The following VIT variants were observed in gnomAD, a reference collection of about 807,000 sequenced individuals.
VIT encodes the protein vitrin.
Under a neutral mutation model 78.0 loss-of-function variants are expected in VIT, and 99 were observed. That is an observed-to-expected ratio of 1.27 (90% CI 1.08 to 1.50). The LOEUF (loss-of-function observed/expected upper bound fraction) is 1.50. Among genes scored for constraint, VIT ranks in the 40% most tolerant of loss-of-function variants. VIT has a pLI of 0.00. For synonymous variants in VIT, 374 were observed against 334.3 expected, an observed-to-expected ratio of 1.12 and a Z score of -1.29; for missense variants, 1,126 against 875.3, an observed-to-expected ratio of 1.29 and a Z score of -3.61.
intron 15 of VIT, among the ~76,000 whole-genome samples, chr2:36,811,154 C>G (rs1432281574): frequency 2.0e-5 from 3 of 152,138 alleles, no homozygotes; most frequent in Non-Finnish European, 4.4e-5. Flanking sequence ...GGCCTGCATG[C>G]CAACAATCAC....
At chr2:36,742,041 T>C (rs929091617) in intron 3 of VIT, among the ~76,000 whole-genome samples, 3 of 152,146 alleles carry the variant, frequency 2.0e-5, no homozygotes, top group Non-Finnish European at 4.4e-5. Context: ...TTCCAGACCA[T>C]TCCCAAGCCT....
chr2:36,773,713 G>A, intron 7 of VIT, 78 bp from the exon 8 acceptor site: 3 of 1,305,596 alleles, frequency 2.3e-6, no homozygotes, highest in Non-Finnish European at 3.0e-6. Context: ...CATACAGTGA[G>A]ACTCCGACTC....
At chr2:36,742,389 G>A in intron 3 of VIT, among the ~76,000 whole-genome samples, 1 of 152,198 alleles carries the variant, frequency 6.6e-6, no homozygotes, top group East Asian at 1.9e-4. Flanking sequence ...TGCTCAGCCA[G>A]AGAGTTCCCA....
intron 1 of VIT, among the ~76,000 whole-genome samples, chr2:36,703,970 G>C (rs1665246950): frequency 6.7e-6 from 1 of 148,306 alleles, no homozygotes; most frequent in Admixed American, 6.8e-5. Context: ...CTGTCGCCAG[G>C]CTGGAGTGCA....
At chr2:36,735,638 A>C (rs1018768980) in intron 3 of VIT, among the ~76,000 whole-genome samples, 1 of 152,240 alleles carries the variant, frequency 6.6e-6, no homozygotes, top group African/African-American at 2.4e-5. Flanking sequence ...CTCCACCCCA[A>C]GGTGCATCAC....
intron 1 of VIT, among the ~76,000 whole-genome samples, chr2:36,700,403 G>A (rs1664977308): frequency 6.6e-6 from 1 of 151,970 alleles, no homozygotes; most frequent in Non-Finnish European, 1.5e-5. Context: ...GGTGGCGGTG[G>A]TGGTGGCGAT....
chr2:36,729,398 T>A (rs1470311835), intron 2 of VIT, 28 bp from the exon 3 acceptor site: 1 of 1,570,318 alleles, frequency 6.4e-7, no homozygotes, highest in African/African-American at 1.4e-5. Flanking sequence ...TAAAATTGAT[T>A]AAATTTTTAA....
intron 4 of VIT, among the ~76,000 whole-genome samples, chr2:36,747,348 T>G (rs1328596414): frequency 6.6e-6 from 1 of 152,196 alleles, no homozygotes; most frequent in African/African-American, 2.4e-5. Context: ...GTCCAGAATT[T>G]CTTTGTCAGT....
chr2:36,805,089 G>T (rs1427410800), intron 13 of VIT, among the ~76,000 whole-genome samples: 1 of 152,004 alleles, frequency 6.6e-6, no homozygotes, highest in Non-Finnish European at 1.5e-5. Context: ...GATCACTTGA[G>T]CCCATGAGTT....
chr2:36,756,045 C>T (rs1318844794), intron 5 of VIT, among the ~76,000 whole-genome samples: 39 of 145,882 alleles, frequency 2.7e-4, no homozygotes, highest in Non-Finnish European at 1.2e-4. Context: ...GCAACCTCTG[C>T]CTCCTGGGTT....
intron 1 of VIT, among the ~76,000 whole-genome samples, chr2:36,702,812 C>A (rs534876403): frequency 1.3e-4 from 20 of 152,166 alleles, no homozygotes; most frequent in Non-Finnish European, 2.9e-5. Context: ...GATACCCTCC[C>A]CTACTGCGTT....
chr2:36,801,341 A>C lies in VIT; in HGVS notation c.1099A>C (p.Asn367His). Residue 367 changes from asparagine to histidine, a missense_variant, in exon 13 of 16, where the codon AAT becomes CAT. Coordinates refer to ENST00000379242, the MANE Select transcript of VIT (RefSeq NM_053276.4). The stretch of plus-strand genomic sequence containing the variant: ...TCACTTTAACCTCAAGACACACACG[A>C]ATTCTCGAGATCTGAAGACAGCCAT... ...ATHFNLKTHT[N>H]SRDLKTAIEK... 1.2e-6 allele frequency: 2 copies of C among 1,614,152 alleles called. No homozygotes were observed. The highest frequency in any genetic ancestry group is 1.7e-6 in the Non-Finnish European group (2 of 1,180,036).
intron 11 of VIT, among the ~76,000 whole-genome samples, chr2:36,785,383 T>C (rs1453626407): frequency 6.6e-6 from 1 of 151,940 alleles, no homozygotes; most frequent in Non-Finnish European, 1.5e-5. Context: ...TGGCAACAAT[T>C]CACACTGCAA....
At chr2:36,754,763 C>A (rs541945341) in intron 4 of VIT, among the ~76,000 whole-genome samples, 158 bp from the exon 5 acceptor site, 8 of 152,280 alleles carry the variant, frequency 5.3e-5, no homozygotes, top group African/African-American at 1.9e-4. Flanking sequence ...CTGGTGGAGG[C>A]ACCATTCTTG....
intron 9 of VIT, among the ~76,000 whole-genome samples, chr2:36,777,655 G>A (rs537016290): frequency 2.0e-4 from 30 of 152,256 alleles, no homozygotes; most frequent in Admixed American, 1.8e-3. Flanking sequence ...TACCTCTGTA[G>A]AAGCAGGTCA....
intron 11 of VIT, among the ~76,000 whole-genome samples, chr2:36,784,105 A>G (rs1291512125): frequency 6.6e-6 from 1 of 152,244 alleles, no homozygotes; most frequent in South Asian, 2.1e-4. Flanking sequence ...CTGGAGAACA[A>G]CACTAGGTGG....
At chr2:36,758,773 TAATAA>T (rs1668922942) in intron 5 of VIT, among the ~76,000 whole-genome samples, 191 bp from the exon 6 acceptor site, 1 of 152,212 alleles carries the variant, frequency 6.6e-6, no homozygotes, top group Non-Finnish European at 1.5e-5. Flanking sequence ...ATTCTAATAG[TAATAA>T]AACACAAGCT....
chr2:36,738,272 G>A (rs919349129), intron 3 of VIT, among the ~76,000 whole-genome samples: 1 of 152,092 alleles, frequency 6.6e-6, no homozygotes, highest in Non-Finnish European at 1.5e-5. Flanking sequence ...AGGTGGAGCT[G>A]GCAAAGCTTT....
chr2:36,747,795 G>T (rs928520107), intron 4 of VIT, among the ~76,000 whole-genome samples: 1 of 152,170 alleles, frequency 6.6e-6, no homozygotes, highest in African/African-American at 2.4e-5. Flanking sequence ...TGATCATAAT[G>T]TTGTCAGCTG....
Sources: gnomAD v4.1 joint callset for allele counts (sites outside exome capture counted in the v4.1 genomes callset) on GRCh38, gnomAD v4.1.1 for gene constraint, MANE v1.5 for transcripts, NCBI Gene and HGNC (gene_info 2026-07-23, HGNC 2026-07-21) for gene names.